The following XPR1 variants were observed in gnomAD, a reference collection of about 807,000 sequenced individuals.
XPR1 encodes solute carrier family 53 member 1.
A neutral mutation model predicts 87.5 loss-of-function variants in XPR1; 28 were observed. That is an observed-to-expected ratio of 0.32 (90% confidence interval 0.24 to 0.44). XPR1 has a LOEUF of 0.44. Ranked by LOEUF, XPR1 falls within the 20% of genes least tolerant of loss-of-function variation. XPR1 has a pLI of 1.00. For synonymous variants in XPR1, 300 were observed against 306.1 expected, an observed-to-expected ratio of 0.98 and a Z score of 0.21; for missense variants, 559 against 862.3, an observed-to-expected ratio of 0.65 and a Z score of 4.41.
intron 1 of XPR1, among the ~76,000 whole-genome samples, chr1:180,669,342 G>C (rs1223816754): frequency 6.6e-6 from 1 of 151,814 alleles, no homozygotes; most frequent in Admixed American, 6.6e-5. Context: ...ATATTCTGAT[G>C]GTCTGTCTTT....
At chr1:180,758,911 A>G (rs1056943666) in intron 2 of XPR1, 18 of 152,334 alleles carry the variant, frequency 1.2e-4, no homozygotes, top group Non-Finnish European at 1.8e-4. Flanking sequence ...ATTATAACAA[A>G]CTGTCTCTCA....
chr1:180,795,767 T>A (rs996708818), intron 3 of XPR1, among the ~76,000 whole-genome samples: 5 of 152,200 alleles, frequency 3.3e-5, no homozygotes, highest in African/African-American at 1.2e-4. Context: ...GTTTAACATA[T>A]GTAAAAAGAG....
intron 3 of XPR1, among the ~76,000 whole-genome samples, chr1:180,797,377 C>G (rs896694590): frequency 2.0e-5 from 3 of 152,088 alleles, no homozygotes; most frequent in East Asian, 3.9e-4. Context: ...ATATGAAAAA[C>G]TTTATATAGA....
At chr1:180,846,357 G>A (rs563890546) in intron 11 of XPR1, among the ~76,000 whole-genome samples, 2 of 152,090 alleles carry the variant, frequency 1.3e-5, no homozygotes, top group East Asian at 3.9e-4. Context: ...AAGGAATGTT[G>A]TGAGCATGCT....
chr1:180,868,652 G>T (rs1652463804), intron 12 of XPR1, among the ~76,000 whole-genome samples: 1 of 132,750 alleles, frequency 7.5e-6, no homozygotes. Context: ...TGTGATTTTT[G>T]CACATTGATT....
intron 1 of XPR1, among the ~76,000 whole-genome samples, chr1:180,653,667 A>G (rs1655362622): frequency 6.6e-6 from 1 of 152,236 alleles, no homozygotes; most frequent in Non-Finnish European, 1.5e-5. Context: ...TAGGCACAAT[A>G]AGAGATTAAC....
intron 11 of XPR1, among the ~76,000 whole-genome samples, chr1:180,862,323 T>G (rs1051014421): frequency 3.9e-5 from 6 of 152,058 alleles, no homozygotes; most frequent in Non-Finnish European, 7.4e-5. Context: ...TCATACCATT[T>G]CTCTCACATC....
intron 7 of XPR1, among the ~76,000 whole-genome samples, chr1:180,811,702 T>C (rs1309457285): frequency 6.6e-6 from 1 of 152,152 alleles, no homozygotes; most frequent in Non-Finnish European, 1.5e-5. Flanking sequence ...TCTAAAACAT[T>C]GCTCATGTAT....
intron 1 of XPR1, among the ~76,000 whole-genome samples, chr1:180,639,825 T>C (rs1352256074): frequency 6.6e-6 from 1 of 152,164 alleles, no homozygotes; most frequent in Non-Finnish European, 1.5e-5. Context: ...TTCTCTAGTC[T>C]TATCAAACAT....
At chr1:180,802,658 C>T (rs758439380) in intron 3 of XPR1, among the ~76,000 whole-genome samples, 6 of 152,196 alleles carry the variant, frequency 3.9e-5, no homozygotes, top group African/African-American at 4.8e-5. Context: ...AGACATATCT[C>T]GTACCCATTA....
rs538013110 is a variant in XPR1, at chr1:180,755,056, T to C, written c.122-32697T>C. 2.8e-4 allele frequency among the ~76,000 whole-genome samples: 42 copies of C among 152,290 alleles called. 1 individual carries two copies. In the South Asian group the frequency reaches 7.7e-3, roughly 28 times the overall value. Reference sequence around the variant, plus strand: ...CTTTTAGAGAAGGAAGTTACCGATATGGAGAAGGAGAAAACTAGAATGAAC... The same window carrying C: ...CTTTTAGAGAAGGAAGTTACCGATACGGAGAAGGAGAAAACTAGAATGAAC... On this transcript the variant is annotated intron_variant, in intron 2 of 14. Coordinates refer to ENST00000367590, the MANE Select transcript of XPR1 (RefSeq NM_004736.4).
chr1:180,732,658 A>G (rs1244825198), intron 2 of XPR1, among the ~76,000 whole-genome samples: 1 of 152,200 alleles, frequency 6.6e-6, no homozygotes, highest in African/African-American at 2.4e-5. Context: ...CTCTGACCCC[A>G]TGGCAGTGTC....
chr1:180,727,688 G>A (rs958585737), intron 2 of XPR1, among the ~76,000 whole-genome samples: 1 of 152,160 alleles, frequency 6.6e-6, no homozygotes, highest in Admixed American at 6.6e-5. Flanking sequence ...AGAAAGTAAA[G>A]GAATGAAGGA....
At chr1:180,743,560 C>A (rs1376821171) in intron 2 of XPR1, among the ~76,000 whole-genome samples, 1 of 152,154 alleles carries the variant, frequency 6.6e-6, no homozygotes, top group East Asian at 1.9e-4. Context: ...TATATATATA[C>A]CCAGATATTT....
intron 2 of XPR1, among the ~76,000 whole-genome samples, chr1:180,766,835 C>A (rs973396811): frequency 8.5e-5 from 13 of 152,072 alleles, no homozygotes; most frequent in Admixed American, 5.9e-4. Context: ...AAACAGTGAT[C>A]TATAAATTTA....
intron 2 of XPR1, among the ~76,000 whole-genome samples, chr1:180,753,672 T>C (rs1483344002): frequency 1.3e-5 from 2 of 152,142 alleles, no homozygotes; most frequent in African/African-American, 4.8e-5. Context: ...ATAATACTCA[T>C]TTCAGTTACT....
intron 9 of XPR1, among the ~76,000 whole-genome samples, chr1:180,828,564 G>C (rs1354769928): frequency 6.6e-6 from 1 of 152,046 alleles, no homozygotes; most frequent in Admixed American, 6.5e-5. Context: ...TTTACCAACA[G>C]TCTCTTTAGT....
At chr1:180,683,319 T>C (rs1378197399) in intron 2 of XPR1, among the ~76,000 whole-genome samples, 2 of 152,208 alleles carry the variant, frequency 1.3e-5, no homozygotes, top group African/African-American at 4.8e-5. Context: ...GGCTGCATAG[T>C]ATTCCATGGT....
intron 3 of XPR1, among the ~76,000 whole-genome samples, chr1:180,788,234 CACTTAT>C (rs1377346159): frequency 1.3e-5 from 2 of 152,146 alleles, no homozygotes; most frequent in Non-Finnish European, 2.9e-5. Flanking sequence ...TTGCCTAGAA[CACTTAT>C]ACTTATTTCT....
Sources: allele counts gnomAD v4.1 joint callset (sites outside exome capture counted in the v4.1 genomes callset), GRCh38; gene constraint gnomAD v4.1.1; transcripts MANE v1.5; gene names NCBI Gene and HGNC (gene_info 2026-07-23, HGNC 2026-07-21).